Variants in SHLD2 observed in about 807,000 individuals in gnomAD.
The protein encoded by SHLD2 is shieldin complex subunit 2, also known as RINN1-REV7-interacting novel NHEJ regulator 2.
A neutral mutation model predicts 73.2 loss-of-function variants in SHLD2; 30 were observed. The observed-to-expected ratio is 0.41, with a 90% CI of 0.31 to 0.56. The LOEUF (loss-of-function observed/expected upper bound fraction) is 0.56, where lower values mean the gene tolerates loss of function less well. Ranked by LOEUF, SHLD2 falls within the 20% of genes least tolerant of loss-of-function variation. SHLD2 has a pLI of 0.28. For missense variants in SHLD2, 745 were observed against 1,055.9 expected, an observed-to-expected ratio of 0.71 and a Z score of 4.08; for synonymous variants, 285 against 370.1, an observed-to-expected ratio of 0.77 and a Z score of 2.64.
At position 87,115,834 on chromosome 10, in the gene SHLD2, A is replaced by G. The variant is rs568576517; in HGVS notation, c.-6+18845A>G. ...GAGCAAAGAAAGGAATCCTGGGGGA[A>G]TATCAGCTCTAAAGGTTGAGTAGAG... On this transcript the variant is annotated intron_variant, in intron 2 of 9. Transcript: ENST00000298786. 3.3e-5 allele frequency among the ~76,000 whole-genome samples: 5 copies of G among 152,314 alleles called. No homozygotes were observed. In the East Asian group the frequency reaches 9.6e-4, roughly 29 times the overall value.
At chr10:87,185,744 G>A (rs1358184096) in intron 8 of SHLD2, among the ~76,000 whole-genome samples, 1 of 152,082 alleles carries the variant, frequency 6.6e-6, no homozygotes, top group Admixed American at 6.6e-5. Context: ...AGTTTTGTAT[G>A]TGGGATAAGG....
At chr10:87,156,067 C>CTTT (rs1223191446) in intron 3 of SHLD2, among the ~76,000 whole-genome samples, 1 of 134,940 alleles carries the variant, frequency 7.4e-6, no homozygotes, top group Non-Finnish European at 1.6e-5. Context: ...AGAAATCTTC[C>CTTT]TTTTTTTTTT....
At chr10:87,134,077 T>C (rs556411198) in intron 2 of SHLD2, among the ~76,000 whole-genome samples, 1 of 152,290 alleles carries the variant, frequency 6.6e-6, no homozygotes, top group East Asian at 1.9e-4. Flanking sequence ...GATAGTGTAA[T>C]ACAGGAAACT....
chr10:87,178,826 A>G (rs896772245), intron 7 of SHLD2, among the ~76,000 whole-genome samples: 1 of 152,230 alleles, frequency 6.6e-6, no homozygotes, highest in African/African-American at 2.4e-5. Flanking sequence ...CACTCCTGCT[A>G]ACTCATGTAG....
intron 2 of SHLD2, among the ~76,000 whole-genome samples, chr10:87,139,212 AGTGGGGTTAAAT>A (rs1011953488): frequency 1.9e-4 from 29 of 151,926 alleles, no homozygotes; most frequent in Non-Finnish European, 3.5e-4. Context: ...GAGTCTTCAA[AGTGGGGTTAAAT>A]TAGCTATAGA....
rs7091188 is a variant in SHLD2 at position 87,100,557 on chromosome 10, A to C, written c.-6+3568A>C. ...CAATAGCGCGATCTTGGCTCACTGC[A>C]ACCTCTGCCTTCCAGGTTCAAGCAA... On this transcript the variant is annotated intron_variant, in intron 2 of 9. Coordinates refer to ENST00000298786, the MANE Select transcript of SHLD2 (RefSeq NM_001330112.2). Among the ~76,000 whole-genome samples the C allele has an allele frequency of 5.5e-3, 824 of 151,172 alleles. 10 individuals are homozygous for C. The highest frequency in any genetic ancestry group is 0.018 in the African/African-American group (761 of 41,154).
At chr10:87,096,265 C>G (rs1841876131) in intron 1 of SHLD2, among the ~76,000 whole-genome samples, 1 of 152,016 alleles carries the variant, frequency 6.6e-6, no homozygotes, top group Admixed American at 6.5e-5. Flanking sequence ...GGCTGGTCTC[C>G]AACGCCTGAC....
chr10:87,103,282 T>G lies in SHLD2; in HGVS notation c.-6+6293T>G, dbSNP rs565672400. On this transcript the variant is annotated intron_variant, in intron 2 of 9. Coordinates refer to ENST00000298786, the MANE Select transcript of SHLD2 (RefSeq NM_001330112.2). The stretch of plus-strand genomic sequence containing the variant: ...TTTATTAGGTCCTGGTGTTTCTAAT[T>G]TTAATATGATTTAGTTCTCAAGTGC... Among the ~76,000 whole-genome samples, 194 of 152,238 alleles carry G rather than the reference T, an allele frequency of 1.3e-3. 6 individuals are homozygous for G. In the South Asian group the frequency reaches 0.04, roughly 31 times the overall value.
At chr10:87,151,168 C>T (rs1268120806) in intron 2 of SHLD2, among the ~76,000 whole-genome samples, 182 bp from the exon 3 acceptor site, 2 of 152,020 alleles carry the variant, frequency 1.3e-5, no homozygotes, top group Admixed American at 6.6e-5. Context: ...ATTGTGATTT[C>T]TCCTTAATAA....
chr10:87,106,252 G>A (rs1463247056), intron 2 of SHLD2, among the ~76,000 whole-genome samples: 1 of 152,114 alleles, frequency 6.6e-6, no homozygotes, highest in Non-Finnish European at 1.5e-5. Flanking sequence ...TGATCCACCC[G>A]CCTCAGCCTC....
chr10:87,094,482 C>A, upstream of SHLD2: 1 of 1,613,660 alleles, frequency 6.2e-7, no homozygotes, highest in South Asian at 1.1e-5. This position sits in a 1 kb window ranked among gnomAD's most constrained non-coding sequence, Gnocchi z 6.6. Flanking sequence ...TCCGCTTCTG[C>A]TCCTCGCTCT....
In SHLD2 at chr10:87,151,826, A is replaced by G. The variant is rs1189321631; in HGVS notation, c.472A>G (p.Ile158Val). ...RDEQPKHQPD[I>V]CGKNFNTNLF... ...TGAACAGCCTAAACATCAGCCAGAT[A>G]TATGTGGTAAGAACTTTAACACAAA... The change falls in exon 3 of 10, where the codon ATA becomes GTA. Residue 158 changes from isoleucine (I) to valine (V), a missense_variant. Physicochemically the swap from Ile to Val is conservative, Grantham distance 29. Coordinates refer to ENST00000298786, the MANE Select transcript of SHLD2 (RefSeq NM_001330112.2). 6 of 1,611,838 alleles carry G rather than the reference A, an allele frequency of 3.7e-6. No homozygotes were observed. The highest frequency in any genetic ancestry group is 1.7e-5 in the Admixed American group (1 of 59,990).
chr10:87,128,518 C>G (rs1844201294), intron 2 of SHLD2, among the ~76,000 whole-genome samples: 1 of 152,204 alleles, frequency 6.6e-6, no homozygotes, highest in African/African-American at 2.4e-5. Context: ...ACTTCTGTTT[C>G]TTCTCCTCTT....
intron 4 of SHLD2, among the ~76,000 whole-genome samples, chr10:87,161,113 A>G (rs1846781808): frequency 1.3e-5 from 2 of 152,212 alleles, no homozygotes; most frequent in Non-Finnish European, 2.9e-5. Context: ...AAATTTAAAT[A>G]ATAAGATAAT....
intron 8 of SHLD2, 71 bp downstream of exon 8, chr10:87,180,374 C>G (rs1848229015): frequency 1.3e-6 from 2 of 1,553,668 alleles, no homozygotes. Context: ...GTCTGTAAAC[C>G]CTTACTTTCT....
intron 1 of SHLD2, among the ~76,000 whole-genome samples, chr10:87,095,587 G>C (rs557494773): frequency 5.5e-4 from 84 of 152,366 alleles, no homozygotes; most frequent in African/African-American, 2.0e-3. Context: ...GGGCTGCAGA[G>C]AGCGGCGTGG....
chr10:87,126,533 C>T (rs963272189), intron 2 of SHLD2, among the ~76,000 whole-genome samples: 13 of 151,624 alleles, frequency 8.6e-5, no homozygotes, highest in Non-Finnish European at 1.3e-4. Flanking sequence ...AAAAAAAAAC[C>T]CCAGGTAAAA....
chr10:87,174,845 G>A (rs1358669602), intron 6 of SHLD2, among the ~76,000 whole-genome samples: 1 of 152,172 alleles, frequency 6.6e-6, no homozygotes, highest in Admixed American at 6.5e-5. Flanking sequence ...GGCCGGCGTG[G>A]TGGCTCCCGC....
intron 6 of SHLD2, among the ~76,000 whole-genome samples, chr10:87,175,116 C>CAAAAA: frequency 1.2e-5 from 1 of 84,742 alleles, no homozygotes; most frequent in Non-Finnish European, 2.4e-5. Context: ...GACTCCATCT[C>CAAAAA]AAAAAAAAAA....
Sources: gnomAD v4.1 joint callset for allele counts (sites outside exome capture counted in the v4.1 genomes callset) on GRCh38, gnomAD v4.1.1 for gene constraint, Gnocchi (gnomAD v3.1) non-coding constraint, MANE v1.5 for transcripts, NCBI Gene and HGNC (gene_info 2026-07-23, HGNC 2026-07-21) for gene names.